CLEC16A: variants seen among roughly 807,000 people sequenced by gnomAD.
CLEC16A encodes protein CLEC16A.
Under a neutral mutation model 109.5 loss-of-function variants are expected in CLEC16A, and 51 were observed. The ratio of observed to expected loss-of-function variants is 0.47; its 90% CI spans 0.37 to 0.59. The LOEUF is 0.59. CLEC16A is among the 20% of genes least tolerant of loss of function. The pLI is 0.00. For missense variants in CLEC16A, 1,339 were observed against 1,394.0 expected, an observed-to-expected ratio of 0.96 and a Z score of 0.63; for synonymous variants, 673 against 564.2, an observed-to-expected ratio of 1.19 and a Z score of -2.73.
intron 1 of CLEC16A, among the ~76,000 whole-genome samples, chr16:10,945,050 G>C (rs1404635951): frequency 6.6e-6 from 1 of 152,240 alleles, no homozygotes; most frequent in Non-Finnish European, 1.5e-5. Flanking sequence ...TGTAAAGCGA[G>C]AGGATGCGAT....
intron 23 of CLEC16A, among the ~76,000 whole-genome samples, chr16:11,175,148 GAAGTCACC>G (rs529049555): frequency 3.4e-4 from 51 of 152,236 alleles, no homozygotes; most frequent in East Asian, 2.9e-3. Context: ...GTTTTTGCTG[GAAGTCACC>G]ATTTGCTTGA....
chr16:10,976,844 C>A (rs1301814407), intron 7 of CLEC16A, among the ~76,000 whole-genome samples: 1 of 152,200 alleles, frequency 6.6e-6, no homozygotes. Context: ...TGGAGGCCTG[C>A]TTTTCTCTTT....
At chr16:10,971,325 G>A (rs1184276619) in intron 5 of CLEC16A, 95 bp downstream of exon 5, 15 of 955,864 alleles carry the variant, frequency 1.6e-5, no homozygotes, top group South Asian at 1.3e-4. Context: ...CGATTGTCAC[G>A]AGGGAGCACA....
intron 23 of CLEC16A, among the ~76,000 whole-genome samples, chr16:11,172,006 ACACT>A (rs1361551330): frequency 7.2e-5 from 11 of 152,126 alleles, no homozygotes; most frequent in East Asian, 3.9e-4. Context: ...GGGCATACAC[ACACT>A]CACACTTACA....
chr16:11,117,070 G>A (rs1037852848), intron 19 of CLEC16A, among the ~76,000 whole-genome samples: 1 of 152,190 alleles, frequency 6.6e-6, no homozygotes, highest in African/African-American at 2.4e-5. Context: ...GTGAATTGAT[G>A]TGGGAACAGA....
chr16:11,007,446 G>C (rs968408735), intron 11 of CLEC16A, among the ~76,000 whole-genome samples: 1 of 152,164 alleles, frequency 6.6e-6, no homozygotes, highest in Non-Finnish European at 1.5e-5. Context: ...ACTGACTATC[G>C]GAGAGTTGAG....
At chr16:10,984,188 C>G (rs1194196449) in intron 10 of CLEC16A, among the ~76,000 whole-genome samples, 1 of 152,132 alleles carries the variant, frequency 6.6e-6, no homozygotes, top group African/African-American at 2.4e-5. Context: ...TGAAAGGCCA[C>G]CACTGCATGG....
At chr16:11,015,787 C>T (rs1389689756) in intron 11 of CLEC16A, among the ~76,000 whole-genome samples, 2 of 152,250 alleles carry the variant, frequency 1.3e-5, no homozygotes, top group Non-Finnish European at 2.9e-5. Flanking sequence ...TGGGGCTTGG[C>T]CCTGTAACCT....
At chr16:11,170,511 C>T (rs934559504) in intron 23 of CLEC16A, among the ~76,000 whole-genome samples, 1 of 152,210 alleles carries the variant, frequency 6.6e-6, no homozygotes, top group Non-Finnish European at 1.5e-5. Flanking sequence ...CTCACCTTCC[C>T]GTGGGGACCT....
chr16:11,016,345 T>C (rs1452432130), intron 11 of CLEC16A, among the ~76,000 whole-genome samples: 3 of 105,584 alleles, frequency 2.8e-5, no homozygotes, highest in African/African-American at 1.8e-4. Flanking sequence ...CTTTTTTTTC[T>C]TTTTTTTTCT....
At chr16:11,093,325 G>T (rs2050421184) in intron 19 of CLEC16A, among the ~76,000 whole-genome samples, 1 of 152,208 alleles carries the variant, frequency 6.6e-6, no homozygotes, top group African/African-American at 2.4e-5. Flanking sequence ...TCCTCAGCCA[G>T]TGCGGTTACC....
chr16:10,986,196 C>T (rs1386779521), intron 10 of CLEC16A, among the ~76,000 whole-genome samples: 1 of 151,208 alleles, frequency 6.6e-6, no homozygotes, highest in African/African-American at 2.4e-5. Flanking sequence ...ACACCCGGCT[C>T]ATTTTTTGTA....
intron 17 of CLEC16A, among the ~76,000 whole-genome samples, chr16:11,048,681 A>G (rs953156046): frequency 6.6e-6 from 1 of 151,748 alleles, no homozygotes; most frequent in African/African-American, 2.4e-5. Flanking sequence ...CTCCAGAAAC[A>G]CCCCAGCAGC....
chr16:11,014,979 G>A (rs1450823696), intron 11 of CLEC16A, among the ~76,000 whole-genome samples: 1 of 152,150 alleles, frequency 6.6e-6, no homozygotes, highest in African/African-American at 2.4e-5. Flanking sequence ...GTGAGAATCT[G>A]GGGAGCCCTT....
intron 5 of CLEC16A, chr16:10,971,652 G>A (rs2042792898): frequency 2.5e-6 from 1 of 396,742 alleles, no homozygotes; most frequent in Admixed American, 6.4e-5. Flanking sequence ...GAACAGCAGG[G>A]GGCAATGTTG....
At chr16:10,989,016 G>T (rs1029248746) in intron 10 of CLEC16A, among the ~76,000 whole-genome samples, 1 of 152,128 alleles carries the variant, frequency 6.6e-6, no homozygotes, top group Non-Finnish European at 1.5e-5. Flanking sequence ...GCGCCCTTCA[G>T]TGGGGTGGCT....
chr16:11,060,458 T>G (rs1379642424), intron 18 of CLEC16A, among the ~76,000 whole-genome samples: 1 of 152,196 alleles, frequency 6.6e-6, no homozygotes, highest in Non-Finnish European at 1.5e-5. Context: ...TGATTGGGTT[T>G]TCCAGAGCCC....
chr16:10,977,048 G>T (rs1003600081), intron 7 of CLEC16A, among the ~76,000 whole-genome samples, 177 bp from the exon 8 acceptor site: 1 of 152,202 alleles, frequency 6.6e-6, no homozygotes, highest in Non-Finnish European at 1.5e-5. Context: ...ATTGATTTTA[G>T]TAAACCTGCC....
chr16:11,072,108 C>G (rs1329669989), intron 19 of CLEC16A, among the ~76,000 whole-genome samples: 2 of 152,002 alleles, frequency 1.3e-5, no homozygotes, highest in Non-Finnish European at 2.9e-5. Context: ...GTGAAGGGTA[C>G]ATGTTTGTCT....
Sources: gnomAD v4.1 joint callset for allele counts (sites outside exome capture counted in the v4.1 genomes callset) on GRCh38, gnomAD v4.1.1 for gene constraint, MANE v1.5 for transcripts, NCBI Gene and HGNC (gene_info 2026-07-23, HGNC 2026-07-21) for gene names.